The following LIMCH1 variants were observed in gnomAD, a reference collection of about 807,000 sequenced individuals.
LIMCH1 encodes the protein LIM and calponin homology domains-containing protein 1.
A neutral mutation model predicts 176.5 loss-of-function variants in LIMCH1; 113 were observed. The ratio of observed to expected loss-of-function variants is 0.64; its 90% CI spans 0.55 to 0.75. The LOEUF (loss-of-function observed/expected upper bound fraction) is 0.75, where lower values mean the gene tolerates loss of function less well. Among genes scored for constraint, LIMCH1 ranks in the 30% least tolerant of loss-of-function variants. The pLI is 0.00. For missense variants in LIMCH1, 1,674 were observed against 1,814.9 expected (o/e 0.92, Z 1.41); for synonymous variants, 619 against 645.9 (o/e 0.96, Z 0.63).
intron 2 of LIMCH1, among the ~76,000 whole-genome samples, chr4:41,603,458 A>G (rs897275620): frequency 6.6e-6 from 1 of 152,212 alleles, no homozygotes; most frequent in Non-Finnish European, 1.5e-5. Context: ...CTGTCTAATT[A>G]AATAAGGTTT....
At chr4:41,378,630 A>G (rs1364764859) in intron 1 of LIMCH1, among the ~76,000 whole-genome samples, 2 of 152,098 alleles carry the variant, frequency 1.3e-5, no homozygotes, top group Non-Finnish European at 2.9e-5. Flanking sequence ...CCAGCATGGA[A>G]GCAGGGAGGC....
chr4:41,628,723 C>T (rs994521612), intron 8 of LIMCH1, among the ~76,000 whole-genome samples: 6 of 152,072 alleles, frequency 3.9e-5, no homozygotes, highest in Admixed American at 3.3e-4. Context: ...TGGTTTAAAT[C>T]GCAGTTTTGT....
intron 17 of LIMCH1, among the ~76,000 whole-genome samples, chr4:41,648,568 G>A (rs2152935171): frequency 6.6e-6 from 1 of 152,012 alleles, no homozygotes; most frequent in South Asian, 2.1e-4. Context: ...CTGAGTGCAT[G>A]GACAGCAACT....
At chr4:41,456,498 T>C (rs1361690444) in intron 1 of LIMCH1, among the ~76,000 whole-genome samples, 1 of 152,204 alleles carries the variant, frequency 6.6e-6, no homozygotes, top group African/African-American at 2.4e-5. Context: ...CAATACTGTA[T>C]GCCCTTGACC....
intron 18 of LIMCH1, 66 bp from the exon 19 acceptor site, chr4:41,661,353 TA>T: frequency 8.3e-7 from 1 of 1,206,226 alleles, no homozygotes; most frequent in Non-Finnish European, 1.2e-6. Flanking sequence ...AATTACTGCT[TA>T]AAAAATAATT....
At chr4:41,390,371 TCTG>T (rs1471297725) in intron 1 of LIMCH1, among the ~76,000 whole-genome samples, 2 of 152,112 alleles carry the variant, frequency 1.3e-5, no homozygotes, top group Non-Finnish European at 2.9e-5. Context: ...GTTTGTTTCT[TCTG>T]TGTTTATGTG....
chr4:41,419,625 T>C (rs1473486218), intron 1 of LIMCH1, among the ~76,000 whole-genome samples: 1 of 85,146 alleles, frequency 1.2e-5, no homozygotes. Flanking sequence ...CTTCCTTCCT[T>C]CCTTCCTTCC....
chr4:41,672,028 G>C (rs1012947643), intron 22 of LIMCH1, among the ~76,000 whole-genome samples: 1 of 152,008 alleles, frequency 6.6e-6, no homozygotes. Flanking sequence ...AATTGTTACT[G>C]TGCCTGGAAA....
chr4:41,685,808 G>C lies in LIMCH1; in HGVS notation c.4066G>C (p.Glu1356Gln), dbSNP rs941497609. The C allele has an allele frequency of 1.9e-6, 3 of 1,613,132 alleles. No homozygotes were observed. The African/African-American group carries it at 4.0e-5, about 22-fold the overall frequency. The change falls in exon 28 of 32, where the codon GAG becomes CAG. Residue 1356 changes from glutamate (E) to glutamine (Q), a missense_variant. Around this residue, in one of 3 missense-constraint regions of LIMCH1, gnomAD observed 1,015 missense variants for 1,102.5 expected, o/e 0.92. Transcript: ENST00000503057. ...GGATAAAAGCATTAACCATCAGATC[G>C]AGTCTCCCAGTGAAAGGCGGAAGTG... ...PLDKSINHQI[E>Q]SPSERRKKSP...
At chr4:41,509,476 G>A (rs1233688219) in intron 2 of LIMCH1, among the ~76,000 whole-genome samples, 1 of 152,216 alleles carries the variant, frequency 6.6e-6, no homozygotes, top group Non-Finnish European at 1.5e-5. Context: ...GACTTTCTAT[G>A]TAGGGTTCTC....
At chr4:41,549,204 C>G (rs1170203016) in intron 1 of LIMCH1, among the ~76,000 whole-genome samples, 1 of 152,096 alleles carries the variant, frequency 6.6e-6, no homozygotes, top group Non-Finnish European at 1.5e-5. Context: ...TTAATATTAA[C>G]TACCATTTAT....
intron 1 of LIMCH1, among the ~76,000 whole-genome samples, chr4:41,595,413 T>G (rs1404197702): frequency 6.6e-6 from 1 of 152,180 alleles, no homozygotes; most frequent in Non-Finnish European, 1.5e-5. Context: ...GGGGAAACTT[T>G]ATTTTATTTT....
At position 41,697,361 on chromosome 4, in the gene LIMCH1, A is replaced by G. The variant is rs1005033309; in HGVS notation, c.*176A>G. 1.1e-5 allele frequency: 5 copies of G among 470,478 alleles called. No individual in the cohort carries two copies. The highest frequency in any genetic ancestry group is 1.9e-5 in the Non-Finnish European group (5 of 267,788). 29.1% of individuals were successfully genotyped at this position (470,478 alleles called of 1,614,324 possible). On this transcript the variant is annotated 3_prime_UTR_variant, in exon 32 of 32. Transcript: ENST00000503057. ...CACAGTGTTTATGTTTTTCCTGTTTATTGTTTTGGTTTTTTTTTTTTTTTT... is the reference window on the plus strand; with the variant it reads ...CACAGTGTTTATGTTTTTCCTGTTTGTTGTTTTGGTTTTTTTTTTTTTTTT...
In LIMCH1 at chr4:41,623,883, A is replaced by G. The variant is rs138661177; in HGVS notation, c.726-2825A>G. Among the ~76,000 whole-genome samples, 923 of 152,360 alleles carry G rather than the reference A, an allele frequency of 6.1e-3. 5 individuals are homozygous for G. Among genetic ancestry groups the G allele is most frequent in the African/African-American group, 0.02 (835 of 41,572 alleles). ...ATATTAGCGGTATCTTAGCATCAAG[A>G]GACAGAAAGTAGGATTTCTTAATAA... On this transcript the variant is annotated intron_variant, in intron 7 of 31. Transcript: ENST00000503057.
chr4:41,386,069 T>C (rs528205292), intron 1 of LIMCH1: 2 of 152,346 alleles, frequency 1.3e-5, no homozygotes, highest in East Asian at 3.9e-4. Flanking sequence ...AGTCAATGAA[T>C]TGATACATTG....
At chr4:41,570,238 G>A (rs1325261050) in intron 1 of LIMCH1, among the ~76,000 whole-genome samples, 1 of 152,232 alleles carries the variant, frequency 6.6e-6, no homozygotes, top group Admixed American at 6.5e-5. Flanking sequence ...TGGCCATTCT[G>A]TGCTTTAACC....
intron 13 of LIMCH1, among the ~76,000 whole-genome samples, chr4:41,635,307 A>G (rs1269947078): frequency 6.6e-6 from 1 of 151,240 alleles, no homozygotes; most frequent in Admixed American, 6.6e-5. Flanking sequence ...ATCTCAGCTC[A>G]CTGAAACCTC....
At chr4:41,646,392 T>C in intron 16 of LIMCH1, 93 bp from the exon 17 acceptor site, 1 of 1,515,024 alleles carries the variant, frequency 6.6e-7, no homozygotes, top group Non-Finnish European at 8.9e-7. Context: ...ATATTCCCTG[T>C]ACTATCTCTT....
intron 1 of LIMCH1, among the ~76,000 whole-genome samples, chr4:41,467,995 C>G (rs1159765464): frequency 2.0e-5 from 3 of 152,108 alleles, no homozygotes; most frequent in African/African-American, 7.2e-5. Flanking sequence ...ATAATCTCCA[C>G]TTTTTTCATT....
Sources: gnomAD v4.1 joint callset for allele counts (sites outside exome capture counted in the v4.1 genomes callset) on GRCh38, gnomAD v4.1.1 for gene constraint, gnomAD v4.1.1 regional missense constraint, MANE v1.5 for transcripts, NCBI Gene and HGNC (gene_info 2026-07-23, HGNC 2026-07-21) for gene names.